VWF: variants seen among roughly 807,000 people sequenced by gnomAD.
The protein encoded by VWF is von Willebrand factor, also known as Factor VIII related antigen.
In VWF, 176 loss-of-function variants were observed where a neutral mutation model predicts 308.6. The ratio of observed to expected loss-of-function variants is 0.57; its 90% CI spans 0.50 to 0.65. The LOEUF is 0.65. Ranked by LOEUF, VWF falls within the 30% of genes least tolerant of loss-of-function variation. The pLI is 0.00. For missense variants in VWF, 3,146 were observed against 3,648.2 expected, an observed-to-expected ratio of 0.86 and a Z score of 3.55; for synonymous variants, 1,385 against 1,443.4, an observed-to-expected ratio of 0.96 and a Z score of 0.92.
In VWF at chr12:6,016,529, G is replaced by A. The variant is rs1346536051; in HGVS notation, c.5298C>T (p.Gly1766=). The stretch of plus-strand genomic sequence containing the variant: ...CACCAACGTTACCGATTTGGCTGGG[G>A]CCTCCCTCCCGCTGCATGACGTCCA... ...SLVDVMQREG[G]PSQIGDALGF... The change falls in exon 30 of 52, where the codon GGC becomes GGT. Residue 1766 remains glycine (G), a synonymous_variant. Transcript: ENST00000261405. The A allele has an allele frequency of 1.2e-6, 2 of 1,614,014 alleles. No individual in the cohort carries two copies. Among genetic ancestry groups the A allele is most frequent in the Admixed American group, 3.3e-5 (2 of 60,020 alleles).
intron 43 of VWF, among the ~76,000 whole-genome samples, chr12:5,974,509 A>G (rs1344404648): frequency 2.0e-5 from 3 of 152,166 alleles, no homozygotes; most frequent in Admixed American, 6.5e-5. Flanking sequence ...AGTTGACTGG[A>G]CCAGAGCATG....
intron 32 of VWF, 122 bp from the exon 33 acceptor site, chr12:6,012,252 C>A: frequency 1.8e-6 from 2 of 1,090,246 alleles, no homozygotes; most frequent in Non-Finnish European, 2.8e-6. Context: ...TGAAAAGAAT[C>A]TGAACAAGGT....
At chr12:6,006,869 G>A (rs1260645727) in intron 34 of VWF, among the ~76,000 whole-genome samples, 4 of 152,190 alleles carry the variant, frequency 2.6e-5, no homozygotes, top group African/African-American at 9.7e-5. Flanking sequence ...ATTTAAGAAT[G>A]CACATAGGTT....
intron 6 of VWF, among the ~76,000 whole-genome samples, chr12:6,078,971 G>A (rs1470414778): frequency 6.6e-6 from 1 of 152,202 alleles, no homozygotes; most frequent in Non-Finnish European, 1.5e-5. Flanking sequence ...GGATGGGAGT[G>A]GATTTCTGCA....
rs774417194 is a variant in VWF, at chr12:6,058,202, G to T, written c.1534-158C>A. Among the ~76,000 whole-genome samples the T allele has an allele frequency of 6.6e-6, 1 of 152,194 alleles. No homozygotes were observed. The highest frequency in any genetic ancestry group is 2.4e-5 in the African/African-American group (1 of 41,442). ...CAGCTAAGCCCTAGGCTGCAAAAGG[G>T]GGGGCGGGGGAAAGTGAACTGCAGT... On this transcript the variant is annotated intron_variant, in intron 13 of 51. Transcript: ENST00000261405. This position sits in a 1 kb window ranked among gnomAD's most constrained non-coding sequence, Gnocchi z 4.9.
Position 6,072,328 on chromosome 12 carries a change from T to G in VWF, c.1109+3A>C. ...CCAGAGCACGCTGCGCAGCCCCCAT[T>G]ACCAGGTGTTGCAGTCTCGAGAGAG... On this transcript the variant is annotated splice_donor_region_variant and intron_variant, in intron 9 of 51. Transcript: ENST00000261405. 6.2e-7 allele frequency: 1 copy of G among 1,613,200 alleles called. No individual in the cohort carries two copies. The highest frequency in any genetic ancestry group is 8.5e-7 in the Non-Finnish European group (1 of 1,179,588).
chr12:6,122,934 C>T, intron 2 of VWF: 1 of 754,528 alleles, frequency 1.3e-6, no homozygotes. Context: ...CTTAATTCCC[C>T]AACAGGAGAT....
intron 21 of VWF, among the ~76,000 whole-genome samples, chr12:6,030,104 G>GC (rs1303163711): frequency 6.6e-6 from 1 of 152,222 alleles, no homozygotes; most frequent in Non-Finnish European, 1.5e-5. Context: ...GACCATTTCA[G>GC]CATGTGTGGC....
intron 18 of VWF, among the ~76,000 whole-genome samples, chr12:6,036,858 C>T (rs746810355): frequency 2.4e-4 from 37 of 152,214 alleles, no homozygotes; most frequent in South Asian, 8.3e-4. Flanking sequence ...CATATTCTTA[C>T]ACCTAGCCAT....
rs774020679 is a variant in VWF at position 5,981,857 on chromosome 12, G to C, written c.7216C>G (p.Pro2406Ala). 17 of 1,612,754 alleles carry C rather than the reference G, an allele frequency of 1.1e-5. No homozygotes were observed. The highest frequency in any genetic ancestry group is 4.5e-5 in the East Asian group (2 of 44,814). Residue 2406 changes from proline to alanine, a missense_variant, in exon 42 of 52, where the codon CCC becomes GCC. By Grantham distance (27) the Pro-to-Ala change is conservative. This residue lies in a region of VWF where 989 missense variants were observed against 1,117.4 expected (regional missense o/e 0.89). Coordinates refer to ENST00000261405, the MANE Select transcript of VWF (RefSeq NM_000552.5). ...CNCVNSTVSC[P>A]LGYLASTATN... ...GCAGTTGAGGCCAAGTACCCAAGGGGACAGCTCACTGTGGAGTTGACACAG... is the reference window on the plus strand; with the variant it reads ...GCAGTTGAGGCCAAGTACCCAAGGGCACAGCTCACTGTGGAGTTGACACAG...
At chr12:6,121,916 G>A (rs1945436869) in intron 2 of VWF, among the ~76,000 whole-genome samples, 1 of 151,710 alleles carries the variant, frequency 6.6e-6, no homozygotes, top group Non-Finnish European at 1.5e-5. Context: ...GGGCGACAGA[G>A]TGAGACTCTG....
At chr12:6,087,203 G>A (rs1257412096) in intron 6 of VWF, among the ~76,000 whole-genome samples, 1 of 152,072 alleles carries the variant, frequency 6.6e-6, no homozygotes, top group Non-Finnish European at 1.5e-5. Context: ...TGCTTCTCCA[G>A]TATTCAGGGA....
chr12:6,029,220 A>G (rs1944229245), intron 22 of VWF, 122 bp downstream of exon 22: 3 of 1,251,220 alleles, frequency 2.4e-6, no homozygotes, highest in Non-Finnish European at 3.5e-6. Flanking sequence ...TCCTAAATAT[A>G]TATGCACCCA....
intron 42 of VWF, 106 bp from the exon 43 acceptor site, chr12:5,976,366 T>A: frequency 6.9e-7 from 1 of 1,459,482 alleles, no homozygotes. Context: ...AATGTGGCAA[T>A]AAATAAAACC....
intron 3 of VWF, among the ~76,000 whole-genome samples, chr12:6,117,013 C>T (rs1012924940): frequency 6.6e-6 from 1 of 152,166 alleles, no homozygotes; most frequent in Non-Finnish European, 1.5e-5. Context: ...CAGCCCACCC[C>T]CCTCTAATTC....
chr12:6,099,692 T>C (rs1220823165), intron 5 of VWF, among the ~76,000 whole-genome samples: 1 of 152,028 alleles, frequency 6.6e-6, no homozygotes, highest in African/African-American at 2.4e-5. Context: ...TAGCCATATG[T>C]AGAAAGCTGA....
rs1230781141 is a variant in VWF, at chr12:5,964,226, ACATACATACATACATACATACATG to A, written c.7887+3236_7887+3259del. Among the ~76,000 whole-genome samples, 100 of 127,828 alleles carry A rather than the reference ACATACATACATACATACATACATG, an allele frequency of 7.8e-4. No individual in the cohort carries two copies. In the South Asian group the frequency reaches 9.0e-3, roughly 12 times the overall value. 83.9% of individuals were successfully genotyped at this position (127,828 alleles called of 152,430 possible). A position where few individuals can be genotyped will look rare whatever the true frequency, so the allele number is the denominator to read the frequency against. Reference sequence around the variant, plus strand: ...AGAGAGACTCTGTCTAAAAATACATACATACATACATACATACATACATGCATACATACATACATACATACATGC... The same window carrying A: ...AGAGAGACTCTGTCTAAAAATACATACATACATACATACATACATACATGC... On this transcript the variant is annotated intron_variant, in intron 47 of 51. Coordinates refer to ENST00000261405, the MANE Select transcript of VWF (RefSeq NM_000552.5).
chr12:6,037,269 A>T (rs1020215310), intron 18 of VWF, among the ~76,000 whole-genome samples: 4 of 152,162 alleles, frequency 2.6e-5, no homozygotes, highest in African/African-American at 4.8e-5. Flanking sequence ...TTATGTTTAT[A>T]ATTAAAGAAA....
At chr12:5,992,832 C>A (rs1425708482) in intron 37 of VWF, among the ~76,000 whole-genome samples, 1 of 152,172 alleles carries the variant, frequency 6.6e-6, no homozygotes, top group Admixed American at 6.6e-5. Flanking sequence ...CAGTAAATAA[C>A]CAGGAGGTAC....
Sources: gnomAD v4.1 joint callset for allele counts (sites outside exome capture counted in the v4.1 genomes callset) on GRCh38, gnomAD v4.1.1 for gene constraint, gnomAD v4.1.1 regional missense constraint, Gnocchi (gnomAD v3.1) non-coding constraint, MANE v1.5 for transcripts, NCBI Gene and HGNC (gene_info 2026-07-23, HGNC 2026-07-21) for gene names.